The following PTMA variants were observed in gnomAD, a reference collection of about 807,000 sequenced individuals.
PTMA encodes gene sequence 28.
A neutral mutation model predicts 16.9 loss-of-function variants in PTMA; 4 were observed. The observed-to-expected ratio is 0.24, with a 90% CI of 0.12 to 0.54. PTMA has a LOEUF of 0.54. Ranked by LOEUF, PTMA falls within the 20% of genes least tolerant of loss-of-function variation. PTMA has a pLI of 0.95. For missense variants in PTMA, 120 were observed against 137.7 expected, an observed-to-expected ratio of 0.87 and a Z score of 0.64; for synonymous variants, 58 against 47.9, an observed-to-expected ratio of 1.21 and a Z score of -0.87.
intron 1 of PTMA, chr2:231,710,430 C>T (rs1244044910): frequency 5.2e-6 from 6 of 1,156,832 alleles, no homozygotes; most frequent in Admixed American, 9.9e-5. Context: ...CCCCACTGCT[C>T]CCCGGGGCTT....
rs1242188572 is a variant in PTMA, at chr2:231,711,157, G to C, written c.46-191G>C. 11 of 520,578 alleles carry C rather than the reference G, an allele frequency of 2.1e-5. No individual in the cohort carries two copies. In the East Asian group the frequency reaches 2.2e-4, roughly 11 times the overall value. The allele number at this position is 520,578 out of a possible 1,614,324, so 32.2% of individuals were successfully genotyped here. ...AGGATGGGAAACCTTGATCACAGAT[G>C]CCCCCCGCCGGCCTTCCTTCCACCA... On this transcript the variant is annotated intron_variant, in intron 1 of 4. Coordinates refer to ENST00000409115, the MANE Select transcript of PTMA (RefSeq NM_002823.5).
chr2:231,711,334 C>A lies in PTMA; in HGVS notation c.46-14C>A. On this transcript the variant is annotated splice_polypyrimidine_tract_variant and intron_variant, in intron 1 of 4. Transcript: ENST00000409115. Reference sequence around the variant, plus strand: ...AAGACTTACTGGTTACTGGTTCCTTCTTCCCTTTTGAAGGACTTAAAGGAG... The same window carrying A: ...AAGACTTACTGGTTACTGGTTCCTTATTCCCTTTTGAAGGACTTAAAGGAG... The A allele has an allele frequency of 6.2e-7, 1 of 1,612,264 alleles. No individual in the cohort carries two copies. The highest frequency in any genetic ancestry group is 8.5e-7 in the Non-Finnish European group (1 of 1,178,296).
intron 4 of PTMA, 28 bp downstream of exon 4, chr2:231,712,544 G>GTT: frequency 6.2e-7 from 1 of 1,611,428 alleles, no homozygotes; most frequent in African/African-American, 1.3e-5. Context: ...AAGAAGGGGG[G>GTT]TTTGGCATCT....
At chr2:231,712,251 G>T (rs2048528009) in intron 3 of PTMA, among the ~76,000 whole-genome samples, 192 bp from the exon 4 acceptor site, 1 of 152,182 alleles carries the variant, frequency 6.6e-6, no homozygotes, top group Non-Finnish European at 1.5e-5. Context: ...GGCCTTTTGG[G>T]GTGCAGCTGC....
At position 231,708,535 on chromosome 2, in the gene PTMA, C is replaced by G. The variant is rs1194028931; in HGVS notation, c.-172C>G. On this transcript the variant is annotated 5_prime_UTR_variant, in exon 1 of 5. Transcript: ENST00000409115. Reference sequence around the variant, plus strand: ...TGGCGCCGCGTGAGTCCCCCACTGGCTGCTCTGAAAAGCCATCTTTGCATT... The same window carrying G: ...TGGCGCCGCGTGAGTCCCCCACTGGGTGCTCTGAAAAGCCATCTTTGCATT... The G allele has an allele frequency of 1.3e-6, 1 of 749,480 alleles. No individual in the cohort carries two copies. The highest frequency in any genetic ancestry group is 2.3e-6 in the Non-Finnish European group (1 of 441,142). 46.4% of individuals were successfully genotyped at this position (749,480 alleles called of 1,614,324 possible). A position where few individuals can be genotyped will look rare whatever the true frequency, so the allele number is the denominator to read the frequency against.
In PTMA at chr2:231,712,889, G is replaced by T. The variant is rs62197232; in HGVS notation, c.*38G>T. 6.6e-7 allele frequency: 1 copy of T among 1,512,336 alleles called. No homozygotes were observed. Among genetic ancestry groups the T allele is most frequent in the South Asian group, 1.2e-5 (1 of 80,760 alleles). The allele number at this position is 1,512,336 out of a possible 1,614,324, so 93.7% of individuals were successfully genotyped here. On this transcript the variant is annotated 3_prime_UTR_variant, in exon 5 of 5. Transcript: ENST00000409115. ...GAAAAGTTAAACTAAAAAAAAAAAG[G>T]CCGCCGTGACCTATTCACCCTCCAC... is the stretch of plus-strand genomic sequence containing the variant.
chr2:231,710,436 G>T, intron 1 of PTMA: 1 of 1,151,240 alleles, frequency 8.7e-7, no homozygotes, highest in Non-Finnish European at 1.1e-6. Flanking sequence ...TGCTCCCCGG[G>T]GCTTCGGCCG....
chr2:231,711,595 T>C, intron 2 of PTMA, 176 bp downstream of exon 2: 3 of 738,288 alleles, frequency 4.1e-6, no homozygotes, highest in Non-Finnish European at 4.4e-6. Flanking sequence ...GTTAAATATT[T>C]ATAAAAACCT....
intron 4 of PTMA, 69 bp downstream of exon 4, chr2:231,712,585 C>G: frequency 6.6e-7 from 1 of 1,526,618 alleles, no homozygotes; most frequent in Non-Finnish European, 9.1e-7. Context: ...AGCTGAGGTG[C>G]TCAAGCTGCG....
At chr2:231,711,471 T>G in intron 2 of PTMA, 52 bp downstream of exon 2, 1 of 1,552,396 alleles carries the variant, frequency 6.4e-7, no homozygotes, top group Non-Finnish European at 8.9e-7. Context: ...CCACAAAATT[T>G]TTCCTGTTCT....
chr2:231,710,181 G>A (rs1301607475), intron 1 of PTMA: 2 of 1,298,136 alleles, frequency 1.5e-6, no homozygotes, highest in Non-Finnish European at 2.0e-6. Flanking sequence ...CCCGCCGAAT[G>A]CAGACATTCG....
intron 1 of PTMA, 179 bp from the exon 2 acceptor site, chr2:231,711,169 C>T: frequency 1.8e-6 from 1 of 547,928 alleles, no homozygotes; most frequent in East Asian, 3.0e-5. Flanking sequence ...CCCCCGCCGG[C>T]CTTCCTTCCA....
intron 1 of PTMA, chr2:231,710,789 T>C: frequency 3.1e-6 from 1 of 325,262 alleles, no homozygotes; most frequent in South Asian, 2.3e-5. Flanking sequence ...GGAACAGCGG[T>C]CGGATTTGGG....
chr2:231,711,091 G>T (rs1308391548), intron 1 of PTMA: 1 of 372,880 alleles, frequency 2.7e-6, no homozygotes. Flanking sequence ...GCGCCAGGGG[G>T]CAGTGGGAAC....
At chr2:231,708,994 G>T (rs2048478475) in intron 1 of PTMA, among the ~76,000 whole-genome samples, 2 of 152,302 alleles carry the variant, frequency 1.3e-5, no homozygotes, top group East Asian at 1.9e-4. Flanking sequence ...GGGGCCGAGG[G>T]CTAGGCGCGG....
Position 231,708,838 on chromosome 2 carries a change from C to T in PTMA, c.45+87C>T. 2.7e-6 allele frequency: 4 copies of T among 1,462,200 alleles called. No homozygotes were observed. The South Asian group carries it at 3.5e-5, about 13-fold the overall frequency. 90.6% of individuals were successfully genotyped at this position (1,462,200 alleles called of 1,614,324 possible). A position where few individuals can be genotyped will look rare whatever the true frequency, so the allele number is the denominator to read the frequency against. ...CGCGCAGCAGCTGGACTGTCTCAAG[C>T]CCGCTGTTGCTCCCTCTCGCGGGGA... On this transcript the variant is annotated intron_variant, in intron 1 of 4. Coordinates refer to ENST00000409115, the MANE Select transcript of PTMA (RefSeq NM_002823.5).
chr2:231,711,439 C>T lies in PTMA; in HGVS notation c.117+20C>T, dbSNP rs756500179. 3 of 1,613,204 alleles carry T rather than the reference C, an allele frequency of 1.9e-6. No individual in the cohort carries two copies. Among genetic ancestry groups the T allele is most frequent in the African/African-American group, 1.3e-5 (1 of 75,020 alleles). On this transcript the variant is annotated intron_variant, in intron 2 of 4. Coordinates refer to ENST00000409115, the MANE Select transcript of PTMA (RefSeq NM_002823.5). ...AATGCTGTGAGTGTCTGCTTTGCTC[C>T]TGAGCCCTGGCAGCTACCGCCCCAC...
At chr2:231,708,780 G>A in intron 1 of PTMA, 29 bp downstream of exon 1, 1 of 1,597,494 alleles carries the variant, frequency 6.3e-7, no homozygotes, top group Non-Finnish European at 8.5e-7. Flanking sequence ...CGCCCCCTCG[G>A]GGTCCGCGCG....
intron 1 of PTMA, 42 bp from the exon 2 acceptor site, chr2:231,711,306 C>G: frequency 3.2e-6 from 5 of 1,564,660 alleles, no homozygotes; most frequent in Non-Finnish European, 4.4e-6. Flanking sequence ...CTGGGTTGCT[C>G]AGAAGACTTA....
Sources: gnomAD v4.1 joint callset for allele counts (sites outside exome capture counted in the v4.1 genomes callset) on GRCh38, gnomAD v4.1.1 for gene constraint, MANE v1.5 for transcripts, NCBI Gene and HGNC (gene_info 2026-07-23, HGNC 2026-07-21) for gene names.